Variants in WDR72 observed in about 807,000 individuals in gnomAD.
The protein encoded by WDR72 is WD repeat domain 72.
In WDR72, 120 loss-of-function variants were observed where a neutral mutation model predicts 124.2. The ratio of observed to expected loss-of-function variants is 0.97; its 90% CI spans 0.83 to 1.12. The LOEUF (loss-of-function observed/expected upper bound fraction) is 1.12. WDR72 is among the 50% of genes most tolerant of loss of function. WDR72 has a pLI of 0.00. For missense variants in WDR72, 1,387 were observed against 1,278.8 expected, an observed-to-expected ratio of 1.08 and a Z score of -1.29; for synonymous variants, 452 against 441.7, an observed-to-expected ratio of 1.02 and a Z score of -0.29.
intron 18 of WDR72, among the ~76,000 whole-genome samples, chr15:53,547,052 C>G (rs1000832468): frequency 6.6e-6 from 1 of 152,168 alleles, no homozygotes. Context: ...TTTGATATGA[C>G]AAAATACATA....
At chr15:53,646,695 C>T (rs2015054156) in intron 14 of WDR72, among the ~76,000 whole-genome samples, 1 of 152,054 alleles carries the variant, frequency 6.6e-6, no homozygotes, top group African/African-American at 2.4e-5. Context: ...CAGCTTTAAA[C>T]TTTCATGGTT....
intron 13 of WDR72, among the ~76,000 whole-genome samples, chr15:53,690,141 C>T (rs1250438090): frequency 6.6e-6 from 1 of 151,190 alleles, no homozygotes; most frequent in Non-Finnish European, 1.5e-5. Flanking sequence ...GGGTGCAGCG[C>T]ACCAGCATGG....
intron 13 of WDR72, among the ~76,000 whole-genome samples, chr15:53,682,672 T>C (rs1312368544): frequency 6.6e-6 from 1 of 152,158 alleles, no homozygotes; most frequent in Non-Finnish European, 1.5e-5. Flanking sequence ...AGGGGCAAAA[T>C]ACGGCCAGAC....
chr15:53,516,933 C>G lies in WDR72; in HGVS notation c.*766G>C, dbSNP rs144192167. On this transcript the variant is annotated 3_prime_UTR_variant, in exon 20 of 20. Coordinates refer to ENST00000360509, the MANE Select transcript of WDR72 (RefSeq NM_182758.4). ...AAGCTTCTTTCTGGGAAAAGACCTACAAGAGTTTATACTTAATAAGGATCA... is the reference window on the plus strand; with the variant it reads ...AAGCTTCTTTCTGGGAAAAGACCTAGAAGAGTTTATACTTAATAAGGATCA... 3.9e-5 allele frequency: 6 copies of G among 152,134 alleles called. No homozygotes were observed. The highest frequency in any genetic ancestry group is 1.4e-4 in the African/African-American group (6 of 41,544). 9.4% of individuals were successfully genotyped at this position (152,134 alleles called of 1,614,324 possible).
intron 16 of WDR72, 132 bp downstream of exon 16, chr15:53,613,532 TCA>T (rs2140363958): frequency 3.0e-6 from 2 of 666,922 alleles, no homozygotes; most frequent in East Asian, 5.5e-5. Flanking sequence ...GCTAGTGTAA[TCA>T]CAAACATAGG....
At chr15:53,617,208 A>T (rs2013802294) in intron 14 of WDR72, among the ~76,000 whole-genome samples, 3 of 151,862 alleles carry the variant, frequency 2.0e-5, no homozygotes, top group Non-Finnish European at 4.4e-5. Context: ...GTACAAATAT[A>T]TAGGTATTTA....
At chr15:53,628,743 A>G (rs1481769866) in intron 14 of WDR72, among the ~76,000 whole-genome samples, 1 of 152,184 alleles carries the variant, frequency 6.6e-6, no homozygotes, top group South Asian at 2.1e-4. Context: ...GTTGATTTCT[A>G]GTCAAGATGG....
rs745697942 is a variant in WDR72 at position 53,711,497 on chromosome 15, G to A, written c.712-16C>T. ...AATCATAAACCTAAAATATGAAGTTGATGCACATTATCAAAGGCTTAAATC... is the reference window on the plus strand; with the variant it reads ...AATCATAAACCTAAAATATGAAGTTAATGCACATTATCAAAGGCTTAAATC... On this transcript the variant is annotated splice_polypyrimidine_tract_variant and intron_variant, in intron 7 of 19. Transcript: ENST00000360509. The A allele has an allele frequency of 9.9e-6, 16 of 1,613,458 alleles. No individual in the cohort carries two copies. The highest frequency in any genetic ancestry group is 1.4e-5 in the Non-Finnish European group (16 of 1,179,880).
rs552591874 is a variant in WDR72, at chr15:53,625,563, T to G, written c.1963-9320A>C. ...AATGCTATAAACAGCAGGTGGGGAG[T>G]AGGCAAAGGCACACAGGGTTGAATT... is the stretch of plus-strand genomic sequence containing the variant. On this transcript the variant is annotated intron_variant, in intron 14 of 19. Coordinates refer to ENST00000360509, the MANE Select transcript of WDR72 (RefSeq NM_182758.4). Among the ~76,000 whole-genome samples, 124 of 152,010 alleles carry G rather than the reference T, an allele frequency of 8.2e-4. 2 individuals carry two copies. In the South Asian group the frequency reaches 0.025, roughly 31 times the overall value.
At chr15:53,603,525 T>C (rs1595787130) in intron 17 of WDR72, among the ~76,000 whole-genome samples, 1 of 152,008 alleles carries the variant, frequency 6.6e-6, no homozygotes, top group Non-Finnish European at 1.5e-5. Flanking sequence ...GTCATTCAAG[T>C]AGGAAAAGAG....
rs2016848247 is a variant in WDR72 at position 53,691,660 on chromosome 15, T to TAGATAGAC, written c.1765+8089_1765+8090insGTCTATCT. Among the ~76,000 whole-genome samples, 3 of 145,610 alleles carry TAGATAGAC rather than the reference T, an allele frequency of 2.1e-5. No homozygotes were observed. In the South Asian group the frequency reaches 6.7e-4, roughly 32 times the overall value. On this transcript the variant is annotated intron_variant, in intron 13 of 19. Transcript: ENST00000360509. ...ATAGATAGATAGATAGATAGATAGA[T>TAGATAGAC]AGATAGATAGATAGATGTTTAACAA...
At chr15:53,535,711 C>A (rs1892726360) in intron 18 of WDR72, among the ~76,000 whole-genome samples, 1 of 152,140 alleles carries the variant, frequency 6.6e-6, no homozygotes, top group East Asian at 1.9e-4. Context: ...AATTCCATTT[C>A]ATTGACAAAT....
chr15:53,522,455 G>A (rs1190906776), intron 19 of WDR72, among the ~76,000 whole-genome samples: 1 of 151,920 alleles, frequency 6.6e-6, no homozygotes, highest in Non-Finnish European at 1.5e-5. Flanking sequence ...TGATAATAAG[G>A]TACCTTCTAG....
intron 2 of WDR72, among the ~76,000 whole-genome samples, chr15:53,727,959 A>C (rs2140595498): frequency 6.6e-6 from 1 of 152,334 alleles, no homozygotes; most frequent in Middle Eastern, 3.4e-3. Flanking sequence ...ACTTTTATGA[A>C]GCATTGGTTC....
chr15:53,692,877 G>A (rs964455117), intron 13 of WDR72, among the ~76,000 whole-genome samples: 1 of 152,088 alleles, frequency 6.6e-6, no homozygotes, highest in African/African-American at 2.4e-5. Context: ...AGGTGACATA[G>A]GAAAAATCCC....
At chr15:53,540,159 C>T (rs1200804291) in intron 18 of WDR72, among the ~76,000 whole-genome samples, 3 of 152,068 alleles carry the variant, frequency 2.0e-5, no homozygotes, top group Non-Finnish European at 4.4e-5. Flanking sequence ...TGGAAACTAA[C>T]GATAGATAAT....
At chr15:53,534,019 C>T (rs1892620567) in intron 18 of WDR72, among the ~76,000 whole-genome samples, 1 of 152,136 alleles carries the variant, frequency 6.6e-6, no homozygotes, top group Non-Finnish European at 1.5e-5. Flanking sequence ...CATTTTGAGA[C>T]TTTGAGGCTG....
At chr15:53,663,045 G>T (rs1475501199) in intron 14 of WDR72, among the ~76,000 whole-genome samples, 1 of 151,270 alleles carries the variant, frequency 6.6e-6, no homozygotes, top group East Asian at 2.0e-4. Context: ...CTGTGATTGT[G>T]CTGGAGTGCA....
At chr15:53,628,666 A>G (rs539745375) in intron 14 of WDR72, among the ~76,000 whole-genome samples, 1 of 152,342 alleles carries the variant, frequency 6.6e-6, no homozygotes, top group East Asian at 1.9e-4. Flanking sequence ...CTTTGCTGTT[A>G]AAAATTTCAA....
Sources: allele counts gnomAD v4.1 joint callset (sites outside exome capture counted in the v4.1 genomes callset), GRCh38; gene constraint gnomAD v4.1.1; transcripts MANE v1.5; gene names NCBI Gene and HGNC (gene_info 2026-07-23, HGNC 2026-07-21).